The following FKBP11 variants were observed in gnomAD, a reference collection of about 807,000 sequenced individuals.
FKBP11 encodes peptidyl-prolyl cis-trans isomerase FKBP11.
Under a neutral mutation model 24.7 loss-of-function variants are expected in FKBP11, and 21 were observed. The ratio of observed to expected loss-of-function variants is 0.85; its 90% confidence interval spans 0.60 to 1.23. FKBP11 has a LOEUF of 1.23. Among genes scored for constraint, FKBP11 ranks in the 50% most tolerant of loss-of-function variants. The pLI is 0.00. For missense variants in FKBP11, 245 were observed against 248.7 expected, an observed-to-expected ratio of 0.99 and a Z score of 0.10; for synonymous variants, 106 against 100.6, an observed-to-expected ratio of 1.05 and a Z score of -0.32.
chr12:48,924,475 G>A (rs1043303911), intron 3 of FKBP11, 86 bp downstream of exon 3: 46 of 1,328,286 alleles, frequency 3.5e-5, no homozygotes, highest in African/African-American at 7.2e-5. Context: ...ATTTCAGGGG[G>A]GATTTCCAGG....
At chr12:48,934,863 T>C in the FKBP11 span, among the ~76,000 whole-genome samples, 2 of 151,088 alleles carry the variant, frequency 1.3e-5, no homozygotes, top group Admixed American at 6.6e-5. Flanking sequence ...AAATACAAAA[T>C]TAGCCGGGTG....
At chr12:48,931,128 TAAAAAAAAAAAAAAAA>T (rs35482677), upstream of FKBP11, among the ~76,000 whole-genome samples, 14 of 36,192 alleles carry the variant, frequency 3.9e-4, no homozygotes, top group Non-Finnish European at 3.2e-4. Flanking sequence ...GACTCCAGCT[TAAAAAAAAAAAAAAAA>T]AAAAAAAAAA....
At chr12:48,931,116 G>A (rs1264710169), upstream of FKBP11, among the ~76,000 whole-genome samples, 8 of 110,088 alleles carry the variant, frequency 7.3e-5, no homozygotes, top group Admixed American at 4.1e-4. Flanking sequence ...GCGACAGAGC[G>A]AGACTCCAGC....
chr12:48,938,620 C>T, the FKBP11 span: 1 of 446,850 alleles, frequency 2.2e-6, no homozygotes, highest in South Asian at 1.6e-5. Context: ...ACAGCAACCA[C>T]TGCCAAACAA....
chr12:48,932,245 ATATATATATATATATATTTTTTTTTT>A, the FKBP11 span, among the ~76,000 whole-genome samples: 6 of 39,650 alleles, frequency 1.5e-4, no homozygotes, highest in Admixed American at 6.5e-4. Flanking sequence ...ATATATATAT[ATATATATATATATATATTTTTTTTTT>A]TTTTTTTTTT....
At chr12:48,926,681 C>T (rs548200339), upstream of FKBP11, among the ~76,000 whole-genome samples, 218 of 151,566 alleles carry the variant, frequency 1.4e-3, no homozygotes, top group Middle Eastern at 0.01. Flanking sequence ...TTAGTAAAGA[C>T]AGGGTTTCTC....
chr12:48,930,259 T>C (rs1940031122), upstream of FKBP11, among the ~76,000 whole-genome samples: 1 of 152,184 alleles, frequency 6.6e-6, no homozygotes, highest in African/African-American at 2.4e-5. Flanking sequence ...GAATAACAGA[T>C]GTGATATGAG....
At chr12:48,931,447 G>A (rs138979207), upstream of FKBP11, 2 of 1,535,972 alleles carry the variant, frequency 1.3e-6, no homozygotes, top group African/African-American at 2.7e-5. Flanking sequence ...GGAGGGACCA[G>A]AGAAGGAGCT....
At chr12:48,922,273 T>C in intron 5 of FKBP11, 72 bp from the exon 6 acceptor site, 1 of 1,383,150 alleles carries the variant, frequency 7.2e-7, no homozygotes, top group Non-Finnish European at 1.0e-6. Flanking sequence ...TGAATGAAAA[T>C]AGGGAGCGTA....
chr12:48,932,225 A>AAC, the FKBP11 span, among the ~76,000 whole-genome samples: 1 of 38,790 alleles, frequency 2.6e-5, no homozygotes, highest in Non-Finnish European at 4.5e-5. Flanking sequence ...ATAAACATAT[A>AAC]TTTATATATA....
chr12:48,938,899 T>C, the FKBP11 span: 3 of 1,592,668 alleles, frequency 1.9e-6, no homozygotes, highest in Non-Finnish European at 2.6e-6. Flanking sequence ...AGGGTGACAG[T>C]AGGTATGTCA....
the FKBP11 span, chr12:48,935,764 C>A: frequency 1.3e-5 from 2 of 151,820 alleles, no homozygotes; most frequent in Admixed American, 1.3e-4. Flanking sequence ...AAGTCCAGAA[C>A]TAGACTAGTG....
the FKBP11 span, chr12:48,939,011 G>C: frequency 6.2e-7 from 1 of 1,613,472 alleles, no homozygotes; most frequent in African/African-American, 1.3e-5. This position sits in a 1 kb window ranked among gnomAD's most constrained non-coding sequence, Gnocchi z 4.8. Flanking sequence ...GTCCCCGCTG[G>C]TGGCACAGGT....
Position 48,922,144 on chromosome 12 carries a change from C to A in FKBP11, c.446G>T (p.Trp149Leu). The A allele has an allele frequency of 6.2e-7, 1 of 1,614,152 alleles. No individual in the cohort carries two copies. Among genetic ancestry groups the A allele is most frequent in the Non-Finnish European group, 8.5e-7 (1 of 1,180,030 alleles). The change falls in exon 6 of 6, where the codon TGG (tryptophan) becomes TTG (leucine). Residue 149 changes from tryptophan to leucine, a missense_variant. By Grantham distance (61) the Trp-to-Leu change is moderately conservative. Coordinates refer to ENST00000550765, the MANE Select transcript of FKBP11 (RefSeq NM_016594.3). ...CAAAATGCCCTTCACCAGCTTTAGCCAGTAGTTGGCTCGGATTAGTGCAAT... is the reference window on the plus strand; with the variant it reads ...CAAAATGCCCTTCACCAGCTTTAGCAAGTAGTTGGCTCGGATTAGTGCAAT... ...ELIALIRANYWLKLVKGILPL... is the reference protein window; with the variant it reads ...ELIALIRANYLLKLVKGILPL...
the FKBP11 span, chr12:48,938,663 G>A: frequency 2.3e-6 from 1 of 429,884 alleles, no homozygotes; most frequent in Non-Finnish European, 4.4e-6. Context: ...CCGAAACCCA[G>A]AGGGTGAGAG....
upstream of FKBP11, among the ~76,000 whole-genome samples, chr12:48,929,842 C>T (rs1224902013): frequency 6.6e-6 from 1 of 152,208 alleles, no homozygotes; most frequent in Non-Finnish European, 1.5e-5. Flanking sequence ...ATCTCTGTGC[C>T]TGAACTCATA....
the FKBP11 span, chr12:48,938,541 G>A: frequency 8.8e-5 from 40 of 455,808 alleles, no homozygotes; most frequent in African/African-American, 6.8e-4. Flanking sequence ...GGGAGAGGGT[G>A]GCAAAGGAAA....
chr12:48,936,914 C>CAG, the FKBP11 span: 1 of 152,044 alleles, frequency 6.6e-6, no homozygotes, highest in Non-Finnish European at 1.5e-5. Context: ...GGAAACAGAG[C>CAG]AAATAAAAAG....
chr12:48,929,990 T>C (rs976169552), upstream of FKBP11, among the ~76,000 whole-genome samples: 25 of 152,222 alleles, frequency 1.6e-4, no homozygotes, highest in African/African-American at 5.3e-4. Flanking sequence ...TGCAGTTATT[T>C]GTGTATGCCC....
Sources: allele counts gnomAD v4.1 joint callset (sites outside exome capture counted in the v4.1 genomes callset), GRCh38; gene constraint gnomAD v4.1.1; non-coding constraint Gnocchi (gnomAD v3.1); transcripts MANE v1.5; gene names NCBI Gene and HGNC (gene_info 2026-07-23, HGNC 2026-07-21).